The following ERBB4 variants were observed in gnomAD, a reference collection of about 807,000 sequenced individuals.
ERBB4 encodes erb-b2 receptor tyrosine kinase 4.
A neutral mutation model predicts 158.0 loss-of-function variants in ERBB4; 42 were observed. The ratio of observed to expected loss-of-function variants is 0.27; its 90% CI spans 0.21 to 0.34. The LOEUF is 0.34. Ranked by LOEUF, ERBB4 falls within the 10% of genes least tolerant of loss-of-function variation. The probability of loss-of-function intolerance (pLI) is 1.00; values close to 1 mark genes in which losing one functional copy is unlikely to be tolerated. For synonymous variants in ERBB4, 583 were observed against 558.7 expected (o/e 1.04, Z -0.61); for missense variants, 1,333 against 1,624.1 (o/e 0.82, Z 3.08).
chr2:212,115,824 A>T (rs1057265688), intron 2 of ERBB4, among the ~76,000 whole-genome samples: 1 of 152,140 alleles, frequency 6.6e-6, no homozygotes, highest in Admixed American at 6.6e-5. Context: ...TTTCTCATTT[A>T]AAATTAAGAC....
In ERBB4 at chr2:211,762,355, C is replaced by T. The variant is rs149385281; in HGVS notation, c.557-11651G>A. On this transcript the variant is annotated intron_variant, in intron 4 of 27. Transcript: ENST00000342788. Reference sequence around the variant, plus strand: ...AGATTTCTGCATCCTTTGACAAAGGCGTGAAAAGCCACAGTTTCAGCAAGA... The same window carrying T: ...AGATTTCTGCATCCTTTGACAAAGGTGTGAAAAGCCACAGTTTCAGCAAGA... 1.7e-4 allele frequency among the ~76,000 whole-genome samples: 26 copies of T among 152,230 alleles called. No individual in the cohort carries two copies. The East Asian group carries it at 3.5e-3, about 20-fold the overall frequency.
At chr2:212,451,120 G>A (rs551520860) in intron 1 of ERBB4, among the ~76,000 whole-genome samples, 2 of 152,110 alleles carry the variant, frequency 1.3e-5, no homozygotes, top group African/African-American at 4.8e-5. Context: ...AATCCGAGAA[G>A]GAGGCAGACT....
rs867263993 is a variant in ERBB4 at position 211,623,022 on chromosome 2, T to A, written c.2202+900A>T. Among the ~76,000 whole-genome samples the A allele has an allele frequency of 2.0e-4, 15 of 73,380 alleles. 1 individual carries two copies. The highest frequency in any genetic ancestry group is 1.1e-3 in the African/African-American group (13 of 11,452). The allele number at this position is 73,380 out of a possible 152,430, so 48.1% of individuals were successfully genotyped here. A position where few individuals can be genotyped will look rare whatever the true frequency, so the allele number is the denominator to read the frequency against. ...ATATATATATATATATATATATATA[T>A]ATATATATATATATATATATATAAA... is the stretch of plus-strand genomic sequence containing the variant. On this transcript the variant is annotated intron_variant, in intron 18 of 27. Coordinates refer to ENST00000342788, the MANE Select transcript of ERBB4 (RefSeq NM_005235.3).
intron 1 of ERBB4, among the ~76,000 whole-genome samples, chr2:212,446,626 T>TATATATATATAC (rs2092362267): frequency 2.4e-5 from 2 of 84,322 alleles, no homozygotes; most frequent in Non-Finnish European, 2.5e-5. Flanking sequence ...TATATATATA[T>TATATATATATAC]ATATATATAT....
chr2:211,948,984 C>T (rs1388325214), intron 2 of ERBB4, among the ~76,000 whole-genome samples: 1 of 152,126 alleles, frequency 6.6e-6, no homozygotes, highest in Non-Finnish European at 1.5e-5. Context: ...CCTCTGGCAG[C>T]CTTCCTCATC....
intron 1 of ERBB4, among the ~76,000 whole-genome samples, chr2:212,401,888 G>A (rs2091216525): frequency 6.6e-6 from 1 of 152,066 alleles, no homozygotes; most frequent in Non-Finnish European, 1.5e-5. Flanking sequence ...AATACTGACA[G>A]GGATGTAGAG....
intron 2 of ERBB4, among the ~76,000 whole-genome samples, chr2:212,050,212 C>T (rs1440785314): frequency 6.6e-6 from 1 of 152,062 alleles, no homozygotes; most frequent in Non-Finnish European, 1.5e-5. Flanking sequence ...CTGAATAACT[C>T]CATGACTTAC....
At chr2:211,825,163 T>C (rs4673635) in intron 3 of ERBB4, among the ~76,000 whole-genome samples, 41,345 of 151,706 alleles carry the variant, frequency 0.27, 6,125 homozygotes, top group East Asian at 0.41. Context: ...TTTTTTTCAG[T>C]AGAATAAGTC....
chr2:212,331,071 T>TATATATATATATATATGTAC (rs147932949), intron 1 of ERBB4, among the ~76,000 whole-genome samples: 1 of 120,024 alleles, frequency 8.3e-6, no homozygotes, highest in Non-Finnish European at 1.8e-5. Context: ...TATATATATA[T>TATATATATATATATATGTAC]ACACATATAT....
At chr2:212,080,641 C>G in intron 2 of ERBB4, among the ~76,000 whole-genome samples, 1 of 140,380 alleles carries the variant, frequency 7.1e-6, no homozygotes, top group Admixed American at 7.4e-5. Context: ...GATGATTTTG[C>G]GACAAAGTTT....
chr2:211,569,855 T>C (rs1030098969), intron 19 of ERBB4, among the ~76,000 whole-genome samples: 1 of 152,210 alleles, frequency 6.6e-6, no homozygotes, highest in Non-Finnish European at 1.5e-5. Flanking sequence ...ACTGGATTTA[T>C]TCATAAATCT....
intron 3 of ERBB4, among the ~76,000 whole-genome samples, chr2:211,835,255 A>T (rs537600931): frequency 6.6e-6 from 1 of 152,130 alleles, no homozygotes; most frequent in South Asian, 2.1e-4. Context: ...ACATCTTTTG[A>T]AGGCTGATGG....
chr2:211,938,589 T>C (rs983142978), intron 3 of ERBB4, among the ~76,000 whole-genome samples: 3 of 152,180 alleles, frequency 2.0e-5, no homozygotes, highest in Admixed American at 2.0e-4. Flanking sequence ...GCTCCTCTGT[T>C]GTGTGGCACA....
At chr2:212,000,801 T>C (rs1357341010) in intron 2 of ERBB4, among the ~76,000 whole-genome samples, 1 of 151,828 alleles carries the variant, frequency 6.6e-6, no homozygotes. Context: ...ATAATATATT[T>C]AGTTACATGA....
chr2:211,889,054 A>T (rs2078890761), intron 3 of ERBB4, among the ~76,000 whole-genome samples: 2 of 141,938 alleles, frequency 1.4e-5, no homozygotes, highest in South Asian at 4.2e-4. Flanking sequence ...ACCACAGCTC[A>T]AGAAGGCCTG....
rs1465908022 is a variant in ERBB4, at chr2:212,538,638, G to C, written c.-108C>G. On this transcript the variant is annotated 5_prime_UTR_variant, in exon 1 of 28. Coordinates refer to ENST00000342788, the MANE Select transcript of ERBB4 (RefSeq NM_005235.3). ...CAGCCGGGCGCGCGTGGGGGTGCGA[G>C]GGGGGCGGGCGCGGCGCGCGCGGTG... The C allele has an allele frequency of 1.7e-6, 2 of 1,191,292 alleles. No individual in the cohort carries two copies. Among genetic ancestry groups the C allele is most frequent in the African/African-American group, 1.5e-5 (1 of 65,712 alleles). The allele number at this position is 1,191,292 out of a possible 1,614,324, so 73.8% of individuals were successfully genotyped here.
At chr2:211,776,959 G>C (rs953855055) in intron 4 of ERBB4, among the ~76,000 whole-genome samples, 1 of 152,070 alleles carries the variant, frequency 6.6e-6, no homozygotes, top group Non-Finnish European at 1.5e-5. Context: ...GAGCGTTCGT[G>C]GTTAAAATAT....
At chr2:212,098,084 G>C (rs774358190) in intron 2 of ERBB4, among the ~76,000 whole-genome samples, 44 of 152,112 alleles carry the variant, frequency 2.9e-4, no homozygotes, top group Admixed American at 4.6e-4. Flanking sequence ...AAGACTCATA[G>C]ACAATAAAGA....
intron 1 of ERBB4, among the ~76,000 whole-genome samples, chr2:212,132,527 G>GA (rs2125587294): frequency 6.6e-6 from 1 of 152,182 alleles, no homozygotes; most frequent in Admixed American, 6.5e-5. Flanking sequence ...AAAAGGCAGA[G>GA]GAAAATGGAA....
Sources: allele counts gnomAD v4.1 joint callset (sites outside exome capture counted in the v4.1 genomes callset), GRCh38; gene constraint gnomAD v4.1.1; transcripts MANE v1.5; gene names NCBI Gene and HGNC (gene_info 2026-07-23, HGNC 2026-07-21).